The following SLC38A11 variants were observed in gnomAD, a reference collection of about 807,000 sequenced individuals.
SLC38A11 encodes putative sodium-coupled neutral amino acid transporter 11.
SLC38A11 carries 51 observed loss-of-function variants against 49.4 expected under a neutral mutation model. The observed-to-expected ratio is 1.03, with a 90% CI of 0.83 to 1.30. SLC38A11 has a LOEUF of 1.30. SLC38A11 is among the 50% of genes most tolerant of loss of function. The pLI, the probability that SLC38A11 is intolerant of heterozygous loss-of-function variation, is 0.00. For missense variants in SLC38A11, 574 were observed against 556.2 expected, an observed-to-expected ratio of 1.03 and a Z score of -0.32; for synonymous variants, 203 against 192.9, an observed-to-expected ratio of 1.05 and a Z score of -0.43.
At chr2:164,929,376 A>C (rs1474133252) in intron 7 of SLC38A11, among the ~76,000 whole-genome samples, 2 of 152,176 alleles carry the variant, frequency 1.3e-5, no homozygotes, top group African/African-American at 4.8e-5. Flanking sequence ...TGTAACCTAA[A>C]GGCAAACAAC....
At position 164,898,640 on chromosome 2, in the gene SLC38A11, TC is replaced by T; in HGVS notation, c.1185del (p.Ile396LeufsTer13). Reference protein sequence around the residue: ...LSEEPRTHSDKIMSCVMLPIG... With the variant: ...LSEEPRTHSDXIMSCVMLPIG... ...ATGGGAAGCATGACACAAGACATAA[TC>T]TTATCGGAGTGTGTCCTTGGTTCTT... On this transcript the variant is annotated frameshift_variant, in exon 12 of 12. Transcript: ENST00000685975. LOFTEE classifies it high-confidence loss of function. 6.2e-7 allele frequency: 1 copy of T among 1,613,462 alleles called. No homozygotes were observed. The highest frequency in any genetic ancestry group is 8.5e-7 in the Non-Finnish European group (1 of 1,179,666).
rs748971793 is a variant in SLC38A11 at position 164,897,414 on chromosome 2, C to T, written c.*1023G>A. ...ACAACTCTGATGGGTCATGTATGCACCAGCTTCCCTGTGGATTTGGCTGAG... is the reference window on the plus strand; with the variant it reads ...ACAACTCTGATGGGTCATGTATGCATCAGCTTCCCTGTGGATTTGGCTGAG... On this transcript the variant is annotated 3_prime_UTR_variant, in exon 12 of 12. Transcript: ENST00000685975. 6.6e-6 allele frequency: 1 copy of T among 152,258 alleles called. No individual in the cohort carries two copies. Among genetic ancestry groups the T allele is most frequent in the Non-Finnish European group, 1.5e-5 (1 of 68,098 alleles). The allele number at this position is 152,258 out of a possible 1,614,324, so 9.4% of individuals were successfully genotyped here.
chr2:164,946,027 C>A, intron 3 of SLC38A11, among the ~76,000 whole-genome samples: 1 of 152,136 alleles, frequency 6.6e-6, no homozygotes, highest in African/African-American at 2.4e-5. Context: ...ATTTTACTTT[C>A]CTGATGTAAC....
chr2:164,933,758 A>C (rs747631643), intron 7 of SLC38A11, among the ~76,000 whole-genome samples: 11 of 152,108 alleles, frequency 7.2e-5, no homozygotes, highest in Non-Finnish European at 1.5e-4. Context: ...CATCGCTGTC[A>C]TATTTTCAGA....
In SLC38A11 at chr2:164,903,049, T is replaced by A. The variant is rs2105444858; in HGVS notation, c.1096-4319A>T. The stretch of plus-strand genomic sequence containing the variant: ...GGATTCCATAGATTCTATCATAATA[T>A]TTGGAATTAACAGTGCTTTTTAAGT... On this transcript the variant is annotated intron_variant, in intron 11 of 11. Transcript: ENST00000685975. Among the ~76,000 whole-genome samples, 2 of 152,328 alleles carry A rather than the reference T, an allele frequency of 1.3e-5. 1 individual carries two copies. Among genetic ancestry groups the A allele is most frequent in the Middle Eastern group, 6.8e-3 (2 of 294 alleles).
At position 164,955,287 on chromosome 2, in the gene SLC38A11, C is replaced by A. The variant is rs753055065; in HGVS notation, c.-40G>T. ...CCTCAGCAGGTGGAAGATGCTGGGG[C>A]TGGGTACGGATTCGCACCCGGCCAG... is the stretch of plus-strand genomic sequence containing the variant. On this transcript the variant is annotated 5_prime_UTR_variant, in exon 1 of 12. Transcript: ENST00000685975. 3.9e-6 allele frequency: 6 copies of A among 1,546,034 alleles called. No homozygotes were observed.
At chr2:164,940,199 G>A (rs1251165544) in intron 5 of SLC38A11, among the ~76,000 whole-genome samples, 1 of 144,174 alleles carries the variant, frequency 6.9e-6, no homozygotes, top group Non-Finnish European at 1.5e-5. Context: ...CAGATTCTTG[G>A]CTATATGGTC....
chr2:164,920,112 A>G lies in SLC38A11; in HGVS notation c.618-4139T>C, dbSNP rs550688861. 1.4e-4 allele frequency among the ~76,000 whole-genome samples: 21 copies of G among 152,190 alleles called. 1 individual carries two copies. In the South Asian group the frequency reaches 3.3e-3, roughly 24 times the overall value. On this transcript the variant is annotated intron_variant, in intron 7 of 11. Transcript: ENST00000685975. Reference sequence around the variant, plus strand: ...AACATGGTGAAACCCCGTCTGTACTAAAAATACAAAAATTAGCCGGGTGTG... The same window carrying G: ...AACATGGTGAAACCCCGTCTGTACTGAAAATACAAAAATTAGCCGGGTGTG...
intron 10 of SLC38A11, among the ~76,000 whole-genome samples, chr2:164,909,901 A>G (rs549475632): frequency 6.6e-6 from 1 of 152,266 alleles, no homozygotes; most frequent in Non-Finnish European, 1.5e-5. Context: ...GGTGATATTA[A>G]TAACATAAGT....
At chr2:164,949,226 T>C (rs1178782568) in intron 3 of SLC38A11, among the ~76,000 whole-genome samples, 2 of 151,844 alleles carry the variant, frequency 1.3e-5, no homozygotes, top group African/African-American at 2.4e-5. Context: ...AATAAATATA[T>C]TTTTATTTAT....
chr2:164,946,941 A>G (rs1485363668), intron 3 of SLC38A11, among the ~76,000 whole-genome samples: 1 of 151,800 alleles, frequency 6.6e-6, no homozygotes, highest in Non-Finnish European at 1.5e-5. Context: ...GCTCTTTCGG[A>G]ACACTGTTTC....
At chr2:164,902,015 GT>G (rs1004463712) in intron 11 of SLC38A11, among the ~76,000 whole-genome samples, 76 of 144,768 alleles carry the variant, frequency 5.2e-4, no homozygotes, top group African/African-American at 1.6e-3. Context: ...ATAATCATGT[GT>G]TTTTTGTTTT....
intron 9 of SLC38A11, among the ~76,000 whole-genome samples, chr2:164,913,417 A>G (rs1305423723): frequency 1.3e-5 from 2 of 152,102 alleles, no homozygotes; most frequent in Non-Finnish European, 2.9e-5. Flanking sequence ...TCTCAAGCTG[A>G]AATTTATCTA....
chr2:164,940,228 T>TTATATA (rs5836006), intron 5 of SLC38A11, among the ~76,000 whole-genome samples: 253 of 142,200 alleles, frequency 1.8e-3, no homozygotes, highest in Middle Eastern at 3.6e-3. Context: ...ATAGAAAATT[T>TTATATA]TATATATATA....
chr2:164,905,254 A>G (rs544176991), intron 11 of SLC38A11, among the ~76,000 whole-genome samples: 1 of 152,038 alleles, frequency 6.6e-6, no homozygotes, highest in Non-Finnish European at 1.5e-5. Flanking sequence ...AGTGGTTGGG[A>G]CTACAGGCAT....
intron 5 of SLC38A11, among the ~76,000 whole-genome samples, chr2:164,939,994 GTTT>G (rs10707733): frequency 0.18 from 24,550 of 137,212 alleles, 2,263 homozygotes; most frequent in East Asian, 0.33. Context: ...ATTTTCTAAG[GTTT>G]TTTTTTTTTT....
chr2:164,923,089 G>A (rs1686325317), intron 7 of SLC38A11, among the ~76,000 whole-genome samples: 1 of 152,182 alleles, frequency 6.6e-6, no homozygotes, highest in Non-Finnish European at 1.5e-5. Context: ...ATGGATTAGA[G>A]ATTTAAATGT....
At chr2:164,942,440 A>AC (rs959468212) in intron 5 of SLC38A11, among the ~76,000 whole-genome samples, 21 of 151,406 alleles carry the variant, frequency 1.4e-4, no homozygotes, top group Non-Finnish European at 2.7e-4. Context: ...CTCAAAAAAA[A>AC]AAAAAAACAA....
intron 7 of SLC38A11, among the ~76,000 whole-genome samples, chr2:164,935,543 C>T (rs377540061): frequency 1.2e-4 from 18 of 150,724 alleles, no homozygotes; most frequent in African/African-American, 1.7e-4. Flanking sequence ...AAAAATTAGC[C>T]GGATGTGGCA....
Sources: gnomAD v4.1 joint callset for allele counts (sites outside exome capture counted in the v4.1 genomes callset) on GRCh38, gnomAD v4.1.1 for gene constraint, MANE v1.5 for transcripts, NCBI Gene and HGNC (gene_info 2026-07-23, HGNC 2026-07-21) for gene names.